The following HS1BP3 variants were observed in gnomAD, a reference collection of about 807,000 sequenced individuals.
The protein encoded by HS1BP3 is HCLS1-binding protein 3.
A neutral mutation model predicts 33.5 loss-of-function variants in HS1BP3; 32 were observed. That is an observed-to-expected ratio of 0.95 (90% CI 0.72 to 1.28). The LOEUF is 1.28. HS1BP3 is among the 50% of genes most tolerant of loss of function. HS1BP3 has a pLI of 0.00. For missense variants in HS1BP3, 486 were observed against 502.3 expected (o/e 0.97, Z 0.31); for synonymous variants, 187 against 209.2 (o/e 0.89, Z 0.92).
intron 5 of HS1BP3, among the ~76,000 whole-genome samples, chr2:20,563,124 T>A (rs730479): frequency 0.86 from 130,250 of 152,278 alleles, 55,920 homozygotes; most frequent in Admixed American, 0.9. Context: ...GTGCATCCTC[T>A]TGGAGCCAGC....
At chr2:20,576,861 G>C (rs543377793) in intron 5 of HS1BP3, among the ~76,000 whole-genome samples, 1 of 152,210 alleles carries the variant, frequency 6.6e-6, no homozygotes, top group African/African-American at 2.4e-5. Flanking sequence ...TTTCGGTTAC[G>C]TATAGAAGCA....
intron 1 of HS1BP3, among the ~76,000 whole-genome samples, chr2:20,646,730 G>A (rs937265130): frequency 1.3e-5 from 2 of 152,244 alleles, no homozygotes; most frequent in African/African-American, 2.4e-5. Flanking sequence ...GTGCACGCGC[G>A]GCCTGGTGTC....
chr2:20,585,916 T>A (rs1158953826), intron 5 of HS1BP3, among the ~76,000 whole-genome samples: 1 of 152,150 alleles, frequency 6.6e-6, no homozygotes, highest in Non-Finnish European at 1.5e-5. Flanking sequence ...GCATGGTGGG[T>A]GTTGCTCCTC....
chr2:20,616,687 C>T (rs1694433470), downstream of HS1BP3, among the ~76,000 whole-genome samples: 1 of 152,180 alleles, frequency 6.6e-6, no homozygotes, highest in African/African-American at 2.4e-5. Context: ...CCTTCCCCTA[C>T]CCTAAGCAGC....
chr2:20,578,799 C>A (rs1256274201), intron 5 of HS1BP3, among the ~76,000 whole-genome samples: 1 of 152,214 alleles, frequency 6.6e-6, no homozygotes, highest in Non-Finnish European at 1.5e-5. Context: ...AAGTAATTTG[C>A]TCAAGGCCAG....
At chr2:20,593,463 A>G (rs553970866) in intron 3 of HS1BP3, among the ~76,000 whole-genome samples, 2 of 152,302 alleles carry the variant, frequency 1.3e-5, no homozygotes, top group South Asian at 4.1e-4. Context: ...TGAATGAATG[A>G]GCAAGAGTTT....
downstream of HS1BP3, among the ~76,000 whole-genome samples, chr2:20,613,518 G>A (rs1331787623): frequency 6.6e-6 from 1 of 152,202 alleles, no homozygotes; most frequent in East Asian, 1.9e-4. Context: ...AAGGAACGCC[G>A]CTGCCCGCCT....
chr2:20,639,332 G>A (rs895460107), intron 3 of HS1BP3, among the ~76,000 whole-genome samples: 1 of 152,236 alleles, frequency 6.6e-6, no homozygotes, highest in African/African-American at 2.4e-5. Context: ...AAACTTCATA[G>A]CATGCTGCCA....
At chr2:20,624,619 C>T (rs1694712152) in intron 5 of HS1BP3, 113 bp downstream of exon 5, 1 of 992,300 alleles carries the variant, frequency 1.0e-6, no homozygotes. Flanking sequence ...CACATCTAAA[C>T]AGGACAGGGG....
chr2:20,576,966 C>A (rs1489110755), intron 5 of HS1BP3, among the ~76,000 whole-genome samples: 2 of 152,208 alleles, frequency 1.3e-5, no homozygotes, highest in Non-Finnish European at 2.9e-5. Context: ...CAAATCTTTT[C>A]CCATTGGGAT....
At chr2:20,620,806 C>T (rs1694574094) in intron 6 of HS1BP3, among the ~76,000 whole-genome samples, 1 of 152,228 alleles carries the variant, frequency 6.6e-6, no homozygotes, top group African/African-American at 2.4e-5. Flanking sequence ...TACTGACAGC[C>T]ACAGGGGCTG....
chr2:20,567,393 T>C (rs1693155600), intron 5 of HS1BP3, among the ~76,000 whole-genome samples: 1 of 152,142 alleles, frequency 6.6e-6, no homozygotes, highest in Admixed American at 6.5e-5. Flanking sequence ...AGTCAGACGC[T>C]GGGGAATCAA....
intron 2 of HS1BP3, among the ~76,000 whole-genome samples, chr2:20,604,954 G>A (rs567916803): frequency 2.6e-5 from 4 of 152,158 alleles, no homozygotes; most frequent in African/African-American, 4.8e-5. Context: ...GGTTGGGAGC[G>A]TTCATTTAAA....
chr2:20,602,774 A>G (rs1477120782), intron 2 of HS1BP3, among the ~76,000 whole-genome samples: 1 of 152,252 alleles, frequency 6.6e-6, no homozygotes, highest in East Asian at 1.9e-4. Context: ...AAAGGCCACT[A>G]TCAAGAAAGT....
intron 1 of HS1BP3, among the ~76,000 whole-genome samples, chr2:20,647,021 A>G (rs1695539661): frequency 6.6e-6 from 1 of 152,190 alleles, no homozygotes; most frequent in Non-Finnish European, 1.5e-5. Context: ...CATGAGAAAG[A>G]AGCCAGGCAT....
chr2:20,606,979 A>ATT (rs35152501), intron 2 of HS1BP3, among the ~76,000 whole-genome samples: 29 of 149,780 alleles, frequency 1.9e-4, no homozygotes, highest in East Asian at 5.9e-4. Flanking sequence ...TTATCTTTTT[A>ATT]TTTTTTTTTG....
At chr2:20,635,768 C>G (rs1695105690) in intron 4 of HS1BP3, 1 of 152,184 alleles carries the variant, frequency 6.6e-6, no homozygotes, top group South Asian at 2.1e-4. Flanking sequence ...GAAGAGAGCC[C>G]CAGCAGATGG....
At position 20,594,177 on chromosome 2, in the gene HS1BP3, C is replaced by T. The variant is rs181547119; in HGVS notation, c.*13-1383G>A. 4.4e-4 allele frequency among the ~76,000 whole-genome samples: 67 copies of T among 152,354 alleles called. 1 individual carries two copies. The highest frequency in any genetic ancestry group is 8.5e-4 in the Admixed American group (13 of 15,302). ...TTGAGAAGGATTCTGAGGTTCAATC[C>T]AGGCTTAACAGGAAGAAGTGCAGTG... On this transcript the variant is annotated intron_variant, in intron 3 of 3. Coordinates refer to the HS1BP3 transcript ENST00000415264.
intron 5 of HS1BP3, among the ~76,000 whole-genome samples, chr2:20,562,035 G>A (rs1224279895): frequency 6.6e-6 from 1 of 152,158 alleles, no homozygotes; most frequent in African/African-American, 2.4e-5. Flanking sequence ...CTAGGTTTGG[G>A]GAACTTCCGG....
Sources: gnomAD v4.1 joint callset for allele counts (sites outside exome capture counted in the v4.1 genomes callset) on GRCh38, gnomAD v4.1.1 for gene constraint, MANE v1.5 for transcripts, NCBI Gene and HGNC (gene_info 2026-07-23, HGNC 2026-07-21) for gene names.